The following ATP7B variants were observed in gnomAD, a reference collection of about 807,000 sequenced individuals.
The protein encoded by ATP7B is ATPase copper transporting beta, also known as copper-transporting ATPase 2.
ATP7B carries 113 observed loss-of-function variants against 118.9 expected under a neutral mutation model. The observed-to-expected ratio is 0.95, with a 90% CI of 0.82 to 1.11. The LOEUF is 1.11. Ranked by LOEUF, ATP7B falls within the 50% of genes most tolerant of loss-of-function variation. The probability of loss-of-function intolerance (pLI) is 0.00; values close to 1 mark genes in which losing one functional copy is unlikely to be tolerated. For missense variants in ATP7B, 1,867 were observed against 1,871.4 expected (o/e 1.00, Z 0.04); for synonymous variants, 777 against 727.4 (o/e 1.07, Z -1.10).
Position 51,975,121 on chromosome 13 carries a change from C to T in ATP7B, c.99G>A (p.Met33Ile). Residue 33 changes from methionine to isoleucine, a missense_variant, in exon 2 of 21, where the codon ATG (methionine) becomes ATA (isoleucine). Transcript: ENST00000242839. Reference protein sequence around the residue: ...SLPTRAWEPAMKKSFAFDNVG... With the variant: ...SLPTRAWEPAIKKSFAFDNVG... ...CATTGTCAAAAGCAAAACTCTTCTTCATTGCTGGTTCCCAGGCACGGGTAG... is the reference window on the plus strand; with the variant it reads ...CATTGTCAAAAGCAAAACTCTTCTTTATTGCTGGTTCCCAGGCACGGGTAG... 1 of 1,614,224 alleles carries T rather than the reference C, an allele frequency of 6.2e-7. No individual in the cohort carries two copies. The highest frequency in any genetic ancestry group is 1.7e-5 in the Admixed American group (1 of 60,034).
At chr13:52,003,895 G>A (rs1315733647) in intron 1 of ATP7B, among the ~76,000 whole-genome samples, 1 of 152,124 alleles carries the variant, frequency 6.6e-6, no homozygotes, top group Non-Finnish European at 1.5e-5. Context: ...GTTGAAAACT[G>A]GCCAAAGTTC....
chr13:51,968,657 A>G (rs753701831), intron 3 of ATP7B, 50 bp from the exon 4 acceptor site: 17 of 1,598,768 alleles, frequency 1.1e-5, no homozygotes, highest in Non-Finnish European at 1.5e-5. Flanking sequence ...CAGGGCCTCT[A>G]GGTTGACACA....
chr13:51,960,393 T>C (rs1958655453), intron 6 of ATP7B, 71 bp from the exon 7 acceptor site: 1 of 1,558,106 alleles, frequency 6.4e-7, no homozygotes, highest in Non-Finnish European at 8.7e-7. Context: ...CCACTCCCCT[T>C]CTGAGGACAC....
chr13:51,968,353 G>T, intron 4 of ATP7B, 91 bp downstream of exon 4: 3 of 1,578,914 alleles, frequency 1.9e-6, no homozygotes, highest in Non-Finnish European at 2.6e-6. Context: ...ACACGTCCAA[G>T]ATGGGGAAAT....
intron 1 of ATP7B, among the ~76,000 whole-genome samples, chr13:51,977,763 CAT>C (rs1336268220): frequency 1.3e-5 from 2 of 152,262 alleles, no homozygotes; most frequent in African/African-American, 4.8e-5. Flanking sequence ...ACCAAAAATA[CAT>C]GAGTAATGCA....
chr13:51,966,931 C>A, intron 4 of ATP7B: 2 of 1,612,818 alleles, frequency 1.2e-6, no homozygotes, highest in Non-Finnish European at 1.7e-6. Flanking sequence ...GAAAACAACA[C>A]AGTTTTCTTG....
At chr13:51,975,415 C>A (rs1162729906) in intron 1 of ATP7B, 1 of 667,368 alleles carries the variant, frequency 1.5e-6, no homozygotes, top group Non-Finnish European at 2.8e-6. Flanking sequence ...TCTCACACAA[C>A]AGACGTGGAG....
chr13:51,959,156 T>TGAA (rs1958562993), intron 7 of ATP7B: 1 of 158,606 alleles, frequency 6.3e-6, no homozygotes, highest in African/African-American at 2.4e-5. Context: ...CATCTTCCTC[T>TGAA]TTTCTTCTTA....
At chr13:51,976,574 A>C (rs962548486) in intron 1 of ATP7B, among the ~76,000 whole-genome samples, 1 of 152,230 alleles carries the variant, frequency 6.6e-6, no homozygotes, top group African/African-American at 2.4e-5. Flanking sequence ...CATTCTGAGA[A>C]ATGAGTCATC....
Position 52,011,339 on chromosome 13 carries a change from G to C in ATP7B, c.-2C>G. On this transcript the variant is annotated 5_prime_UTR_variant, in exon 1 of 21. Transcript: ENST00000242839. ...GATCTGTCTCTCCTGCTCAGGCATC[G>C]TCCCGCACGGACACCGAATTCTTCT... The C allele has an allele frequency of 1.2e-6, 2 of 1,614,214 alleles. No individual in the cohort carries two copies. The highest frequency in any genetic ancestry group is 1.7e-6 in the Non-Finnish European group (2 of 1,180,028).
chr13:51,934,317 T>C lies in ATP7B; in HGVS notation c.*439A>G, dbSNP rs1466398265. ...GAGGTAAACTGTGGTCTCAGAAACA[T>C]GATGCACACAGACAGGCGTCATCAG... On this transcript the variant is annotated 3_prime_UTR_variant, in exon 21 of 21. Coordinates refer to ENST00000242839, the MANE Select transcript of ATP7B (RefSeq NM_000053.4). 5 of 280,106 alleles carry C rather than the reference T, an allele frequency of 1.8e-5. No individual in the cohort carries two copies. Among genetic ancestry groups the C allele is most frequent in the South Asian group, 4.1e-5 (1 of 24,642 alleles). 17.4% of individuals were successfully genotyped at this position (280,106 alleles called of 1,614,324 possible).
At chr13:51,965,198 C>T (rs946503451) in intron 4 of ATP7B, among the ~76,000 whole-genome samples, 165 bp from the exon 5 acceptor site, 7 of 152,164 alleles carry the variant, frequency 4.6e-5, no homozygotes, top group South Asian at 2.1e-4. Flanking sequence ...AGATTCTCAA[C>T]GTTCCTCCAG....
Position 51,974,531 on chromosome 13 carries a change from G to A in ATP7B, c.689C>T (p.Thr230Ile). The change falls in exon 2 of 21, where the codon ACT (threonine) becomes ATT (isoleucine). Residue 230 changes from threonine to isoleucine, a missense_variant. Physicochemically the swap from Thr to Ile is moderately conservative, Grantham distance 89. Coordinates refer to ENST00000242839, the MANE Select transcript of ATP7B (RefSeq NM_000053.4). ...AGAAGATAAAGGTCTCTTTGGGTTAGTGCTTTGTAACCGCTCAATATCAAT... is the reference window on the plus strand; with the variant it reads ...AGAAGATAAAGGTCTCTTTGGGTTAATGCTTTGTAACCGCTCAATATCAAT... ...GPIDIERLQS[T>I]NPKRPLSSAN... The A allele has an allele frequency of 6.2e-7, 1 of 1,614,192 alleles. No individual in the cohort carries two copies. Among genetic ancestry groups the A allele is most frequent in the Non-Finnish European group, 8.5e-7 (1 of 1,180,042 alleles).
At chr13:52,006,589 C>T (rs1953782774) in intron 1 of ATP7B, among the ~76,000 whole-genome samples, 1 of 152,222 alleles carries the variant, frequency 6.6e-6, no homozygotes. Context: ...TCTCCCGCAG[C>T]TCCCTGCCCA....
intron 19 of ATP7B, 58 bp downstream of exon 19, chr13:51,937,218 C>G (rs1957020518): frequency 1.4e-5 from 22 of 1,545,124 alleles, no homozygotes; most frequent in Non-Finnish European, 2.0e-5. Flanking sequence ...CAGCAGGAAC[C>G]TGGGAGACAG....
At chr13:51,950,473 C>A in intron 9 of ATP7B, 74 bp from the exon 10 acceptor site, 1 of 1,595,354 alleles carries the variant, frequency 6.3e-7, no homozygotes, top group Non-Finnish European at 8.6e-7. Context: ...CCAGCTGTTA[C>A]AATAGTTACA....
chr13:51,995,584 T>C (rs746885434), intron 1 of ATP7B, among the ~76,000 whole-genome samples: 1 of 152,154 alleles, frequency 6.6e-6, no homozygotes, highest in Non-Finnish European at 1.5e-5. Context: ...CCCTCCTCAC[T>C]AAAGCAGTTC....
chr13:52,006,770 G>A lies in ATP7B; in HGVS notation c.51+4517C>T, dbSNP rs147186746. Among the ~76,000 whole-genome samples the A allele has an allele frequency of 1.7e-3, 255 of 152,158 alleles. 1 individual carries two copies. The highest frequency in any genetic ancestry group is 5.8e-3 in the African/African-American group (239 of 41,506). ...GCCTCTTTCCATTTCCAGTCCTCTG[G>A]ACCTTTATACATGCTGGTCTCTGCC... is the stretch of plus-strand genomic sequence containing the variant. On this transcript the variant is annotated intron_variant, in intron 1 of 20. Coordinates refer to ENST00000242839, the MANE Select transcript of ATP7B (RefSeq NM_000053.4).
intron 17 of ATP7B, 128 bp downstream of exon 17, chr13:51,938,923 G>T: frequency 3.5e-6 from 5 of 1,443,804 alleles, no homozygotes; most frequent in Non-Finnish European, 4.8e-6. Context: ...TGAAACACGT[G>T]GAGAGAAAAG....
Sources: allele counts gnomAD v4.1 joint callset (sites outside exome capture counted in the v4.1 genomes callset), GRCh38; gene constraint gnomAD v4.1.1; transcripts MANE v1.5; gene names NCBI Gene and HGNC (gene_info 2026-07-23, HGNC 2026-07-21).